Variants in ENOX2 observed in about 807,000 individuals in gnomAD.
ENOX2 encodes APK1 antigen.
Under a neutral mutation model 45.0 loss-of-function variants are expected in ENOX2, and 36 were observed. The ratio of observed to expected loss-of-function variants is 0.80; its 90% CI spans 0.61 to 1.06. ENOX2 has a LOEUF of 1.06. Among genes scored for constraint, ENOX2 ranks in the 50% least tolerant of loss-of-function variants. ENOX2 has a pLI of 0.00. For missense variants in ENOX2, 423 were observed against 462.5 expected (o/e 0.91, Z 0.78); for synonymous variants, 174 against 152.3 (o/e 1.14, Z -1.05).
Position 130,622,516 on chromosome X carries a change from C to T in ENOX2, c.*2798G>A, listed in dbSNP as rs2035454327. On this transcript the variant is annotated 3_prime_UTR_variant, in exon 15 of 15. Coordinates refer to ENST00000394363, the MANE Select transcript of ENOX2 (RefSeq NM_006375.4). Reference sequence around the variant, plus strand: ...AATAAAGTCAGAATTAGAGATGTCACAGGACTAGGGAAGGAGATAAAAAAA... The same window carrying T: ...AATAAAGTCAGAATTAGAGATGTCATAGGACTAGGGAAGGAGATAAAAAAA... Among the ~76,000 whole-genome samples the T allele has an allele frequency of 9.0e-6, 1 of 111,568 alleles. No individual in the cohort carries two copies. Among genetic ancestry groups the T allele is most frequent in the South Asian group, 3.8e-4 (1 of 2,636 alleles).
chrX:130,769,137 C>T (rs1305677655), intron 3 of ENOX2, among the ~76,000 whole-genome samples: 2 of 111,423 alleles, frequency 1.8e-5, no homozygotes, highest in Non-Finnish European at 3.8e-5. Context: ...GTATTTTCTT[C>T]TCAAGCCATG....
chrX:130,855,264 G>A (rs774777087), intron 2 of ENOX2, among the ~76,000 whole-genome samples: 6 of 111,526 alleles, frequency 5.4e-5, no homozygotes, highest in Admixed American at 1.9e-4. Context: ...TGTGGACACC[G>A]AAATTAAAAA....
chrX:130,671,307 C>T (rs1427688362), intron 6 of ENOX2, among the ~76,000 whole-genome samples: 4 of 111,946 alleles, frequency 3.6e-5, no homozygotes, highest in Non-Finnish European at 7.5e-5. Context: ...GTACATAAGA[C>T]AATGAAGACA....
At chrX:130,740,417 A>T (rs766012480) in intron 3 of ENOX2, among the ~76,000 whole-genome samples, 2 of 109,936 alleles carry the variant, frequency 1.8e-5, no homozygotes, top group African/African-American at 6.8e-5. Context: ...AAAAAAAAAA[A>T]TTCACATGCC....
chrX:130,894,530 C>A (rs1445643206), intron 2 of ENOX2, among the ~76,000 whole-genome samples: 2 of 106,706 alleles, frequency 1.9e-5, no homozygotes, highest in African/African-American at 6.8e-5. Context: ...ATTCTTTATA[C>A]CATTCTTTCA....
chrX:130,784,712 C>G (rs2076943488), intron 2 of ENOX2, among the ~76,000 whole-genome samples: 2 of 108,127 alleles, frequency 1.8e-5, no homozygotes, highest in African/African-American at 6.8e-5. Flanking sequence ...CTCAGCCCCC[C>G]TAGTAGCTGG....
At chrX:130,805,627 T>C (rs1015925372) in intron 2 of ENOX2, among the ~76,000 whole-genome samples, 22 of 111,045 alleles carry the variant, frequency 2.0e-4, no homozygotes, top group Non-Finnish European at 3.4e-4. Context: ...CACACCACCA[T>C]ATGTCATATC....
intron 5 of ENOX2, among the ~76,000 whole-genome samples, chrX:130,683,434 T>C (rs922772737): frequency 8.9e-6 from 1 of 112,369 alleles, no homozygotes; most frequent in Non-Finnish European, 1.9e-5. Flanking sequence ...GCTCAATTTC[T>C]CTAACTCTCT....
At chrX:130,737,926 C>T (rs1156756459) in intron 3 of ENOX2, among the ~76,000 whole-genome samples, 2 of 111,801 alleles carry the variant, frequency 1.8e-5, no homozygotes, top group African/African-American at 6.5e-5. Context: ...AGTCAAGATG[C>T]TAGGTGCTAT....
At chrX:130,826,014 A>G (rs1194228369) in intron 2 of ENOX2, among the ~76,000 whole-genome samples, 2 of 111,329 alleles carry the variant, frequency 1.8e-5, no homozygotes, top group Non-Finnish European at 3.8e-5. Context: ...GAAAAAATAT[A>G]GCATTATATA....
Position 130,758,877 on chromosome X carries a change from G to C in ENOX2, c.-39+24670C>G, listed in dbSNP as rs962716074. ...TGCATATACTTTACATGAAATGTCTGTTCATGTCTTTTTTCAATTTTCTAA... is the reference window on the plus strand; with the variant it reads ...TGCATATACTTTACATGAAATGTCTCTTCATGTCTTTTTTCAATTTTCTAA... On this transcript the variant is annotated intron_variant, in intron 3 of 14. Coordinates refer to ENST00000394363, the MANE Select transcript of ENOX2 (RefSeq NM_006375.4). 2.7e-5 allele frequency among the ~76,000 whole-genome samples: 3 copies of C among 111,295 alleles called. 1 individual carries two copies. The highest frequency in any genetic ancestry group is 5.7e-5 in the Non-Finnish European group (3 of 52,944).
intron 3 of ENOX2, among the ~76,000 whole-genome samples, chrX:130,716,295 A>C (rs1373949033): frequency 8.9e-6 from 1 of 112,181 alleles, no homozygotes; most frequent in Non-Finnish European, 1.9e-5. Flanking sequence ...TGATTAATGC[A>C]TTTTCTGAAA....
intron 1 of ENOX2, among the ~76,000 whole-genome samples, chrX:130,902,474 CA>C (rs2079158526): frequency 9.1e-6 from 1 of 109,536 alleles, no homozygotes; most frequent in Admixed American, 9.7e-5. Flanking sequence ...GGGGAAGTGG[CA>C]GGTGGCTGAG....
intron 3 of ENOX2, among the ~76,000 whole-genome samples, chrX:130,743,882 C>T (rs1180697076): frequency 1.8e-5 from 2 of 112,009 alleles, no homozygotes; most frequent in Non-Finnish European, 1.9e-5. Flanking sequence ...AAAGATTAGA[C>T]TTGGTCTGAT....
intron 2 of ENOX2, among the ~76,000 whole-genome samples, chrX:130,848,478 T>C (rs977175883): frequency 8.9e-6 from 1 of 112,252 alleles, no homozygotes; most frequent in African/African-American, 3.2e-5. Context: ...TGTAATACTT[T>C]TCTCTATTAA....
chrX:130,686,519 C>T (rs1468863993), intron 5 of ENOX2, among the ~76,000 whole-genome samples: 2 of 111,732 alleles, frequency 1.8e-5, no homozygotes, highest in East Asian at 2.8e-4. Context: ...AATGACCCAG[C>T]CTCAGGTGTT....
intron 9 of ENOX2, among the ~76,000 whole-genome samples, chrX:130,657,860 G>T (rs1436475329): frequency 1.8e-5 from 2 of 111,672 alleles, no homozygotes; most frequent in African/African-American, 6.5e-5. Context: ...AATTAACAGA[G>T]ACCAACACTG....
intron 4 of ENOX2, among the ~76,000 whole-genome samples, chrX:130,695,282 G>A (rs961286363): frequency 4.5e-5 from 5 of 111,764 alleles, no homozygotes; most frequent in African/African-American, 1.6e-4. Context: ...CAGTGTTTTG[G>A]GGCCTCTTTT....
At chrX:130,836,844 G>C (rs142456437) in intron 2 of ENOX2, among the ~76,000 whole-genome samples, 2,248 of 112,164 alleles carry the variant, frequency 0.02, 25 homozygotes, top group Non-Finnish European at 0.03. Context: ...GAGAGGAAGA[G>C]AGTAAGCTAT....
Sources: gnomAD v4.1 joint callset for allele counts (sites outside exome capture counted in the v4.1 genomes callset) on GRCh38, gnomAD v4.1.1 for gene constraint, MANE v1.5 for transcripts, NCBI Gene and HGNC (gene_info 2026-07-23, HGNC 2026-07-21) for gene names.